Variants in CRISP1 observed in about 807,000 individuals in gnomAD.
CRISP1 encodes cysteine rich secretory protein 1, also known as cysteine-rich secretory protein 1.
CRISP1 carries 44 observed loss-of-function variants against 33.1 expected under a neutral mutation model. That is an observed-to-expected ratio of 1.33 (90% CI 1.05 to 1.71). The LOEUF is 1.71. Among genes scored for constraint, CRISP1 ranks in the 40% most tolerant of loss-of-function variants. CRISP1 has a pLI of 0.00. For synonymous variants in CRISP1, 103 were observed against 98.7 expected, an observed-to-expected ratio of 1.04 and a Z score of -0.26; for missense variants, 390 against 301.2, an observed-to-expected ratio of 1.29 and a Z score of -2.18.
In CRISP1 at chr6:49,841,228, G is replaced by A. The variant is rs114876536; in HGVS notation, c.436-233C>T. On this transcript the variant is annotated intron_variant, in intron 5 of 7. Transcript: ENST00000335847. ...AACCAGGTGGAGAAAATCAGCTGAC[G>A]GGGAGGATGACTTGATGATTGACAT... Among the ~76,000 whole-genome samples the A allele has an allele frequency of 9.3e-3, 1,423 of 152,198 alleles. 24 individuals carry two copies. The highest frequency in any genetic ancestry group is 0.03 in the African/African-American group (1,230 of 41,540).
At chr6:49,871,696 A>C (rs992294420) in intron 1 of CRISP1, among the ~76,000 whole-genome samples, 1 of 151,806 alleles carries the variant, frequency 6.6e-6, no homozygotes, top group Non-Finnish European at 1.5e-5. Flanking sequence ...GATGGTTTCC[A>C]GCTTCATCCA....
At chr6:49,853,009 G>T (rs1310974646) in intron 2 of CRISP1, among the ~76,000 whole-genome samples, 5 of 151,956 alleles carry the variant, frequency 3.3e-5, no homozygotes, top group Admixed American at 3.3e-4. Flanking sequence ...GAATGAATAC[G>T]ATCTAGCATC....
chr6:49,871,767 T>A (rs887838873), intron 1 of CRISP1, among the ~76,000 whole-genome samples: 2 of 152,088 alleles, frequency 1.3e-5, no homozygotes, highest in Non-Finnish European at 2.9e-5. Context: ...CCATGGTGTA[T>A]ATGTGCCACA....
At chr6:49,873,423 A>G (rs1771969440) in intron 1 of CRISP1, among the ~76,000 whole-genome samples, 1 of 152,116 alleles carries the variant, frequency 6.6e-6, no homozygotes, top group Non-Finnish European at 1.5e-5. Flanking sequence ...CTTAGTCTTC[A>G]TAAATTTTTA....
chr6:49,852,199 C>T, intron 2 of CRISP1, 70 bp from the exon 3 acceptor site: 2 of 1,436,844 alleles, frequency 1.4e-6, no homozygotes, highest in Non-Finnish European at 9.5e-7. Flanking sequence ...TTTTGCAGAC[C>T]TATAGGTAAT....
At chr6:49,872,894 G>C (rs1771958018) in intron 1 of CRISP1, among the ~76,000 whole-genome samples, 1 of 151,892 alleles carries the variant, frequency 6.6e-6, no homozygotes, top group Non-Finnish European at 1.5e-5. Flanking sequence ...GCTCTTTTTT[G>C]GTTCCATATG....
chr6:49,871,134 A>AC (rs1351128408), upstream of CRISP1, among the ~76,000 whole-genome samples: 1 of 150,890 alleles, frequency 6.6e-6, no homozygotes, highest in Non-Finnish European at 1.5e-5. Context: ...ACAAACAAAA[A>AC]AAAAACAAAG....
intron 1 of CRISP1, among the ~76,000 whole-genome samples, chr6:49,872,096 C>T (rs564810998): frequency 3.3e-4 from 50 of 152,250 alleles, no homozygotes; most frequent in Non-Finnish European, 6.0e-4. Context: ...ACCATTCTAA[C>T]TGGTGTGAGA....
intron 6 of CRISP1, among the ~76,000 whole-genome samples, chr6:49,839,093 G>T (rs1317605206): frequency 6.6e-6 from 1 of 151,868 alleles, no homozygotes; most frequent in Non-Finnish European, 1.5e-5. Flanking sequence ...GCTGGGGTGT[G>T]GGAAAGAAAG....
At chr6:49,873,583 A>C (rs141394441) in intron 1 of CRISP1, among the ~76,000 whole-genome samples, 121 of 152,252 alleles carry the variant, frequency 7.9e-4, no homozygotes, top group Non-Finnish European at 1.4e-3. Context: ...TTTGATAATT[A>C]AAAATGAAGT....
At chr6:49,862,400 A>G (rs1771677784) in intron 1 of CRISP1, among the ~76,000 whole-genome samples, 1 of 151,966 alleles carries the variant, frequency 6.6e-6, no homozygotes, top group South Asian at 2.1e-4. Flanking sequence ...TATTACTGAT[A>G]TTAGAAAAAT....
At chr6:49,844,408 G>A (rs979708669) in intron 5 of CRISP1, among the ~76,000 whole-genome samples, 1 of 152,144 alleles carries the variant, frequency 6.6e-6, no homozygotes, top group Non-Finnish European at 1.5e-5. Flanking sequence ...AGGGAAGAAT[G>A]ACTCCCCAAA....
chr6:49,852,846 TTGTGTGTG>T (rs3056388), intron 2 of CRISP1, among the ~76,000 whole-genome samples: 13,148 of 145,490 alleles, frequency 0.09, 741 homozygotes, highest in Non-Finnish European at 0.14. Flanking sequence ...AAGAGAATCT[TTGTGTGTG>T]TGTGTGTGTG....
chr6:49,837,917 G>T (rs1770855470), intron 7 of CRISP1, among the ~76,000 whole-genome samples: 1 of 151,250 alleles, frequency 6.6e-6, no homozygotes, highest in African/African-American at 2.4e-5. Flanking sequence ...AAAAAAAGAG[G>T]CTTTAAGGAA....
intron 1 of CRISP1, among the ~76,000 whole-genome samples, chr6:49,874,750 C>A (rs1274118941): frequency 6.6e-6 from 1 of 152,052 alleles, no homozygotes; most frequent in African/African-American, 2.4e-5. Context: ...TTTGGTCCAA[C>A]ATATGCAAAT....
chr6:49,851,352 T>C (rs751422805), intron 3 of CRISP1, among the ~76,000 whole-genome samples: 1 of 152,088 alleles, frequency 6.6e-6, no homozygotes, highest in Non-Finnish European at 1.5e-5. Context: ...ATAACAAATG[T>C]GAGGGTAATC....
Position 49,835,395 on chromosome 6 carries a change from A to C in CRISP1, c.671T>G (p.Val224Gly), listed in dbSNP as rs1358323130. ...TGAGTGGTTGCATCCCAGATAATGGACTTGTATGTCACAGTCGAAGTATTC... is the reference window on the plus strand; with the variant it reads ...TGAGTGGTTGCATCCCAGATAATGGCCTTGTATGTCACAGTCGAAGTATTC... The part of the protein sequence containing the change: ...YDEYFDCDIQ[V>G]HYLGCNHSTT... The change falls in exon 8 of 8, where the codon GTC (valine) becomes GGC (glycine). Residue 224 changes from valine to glycine, a missense_variant. Physicochemically the swap from Val to Gly is moderately radical, Grantham distance 109. Transcript: ENST00000335847. 6.2e-7 allele frequency: 1 copy of C among 1,613,690 alleles called. No homozygotes were observed. Among genetic ancestry groups the C allele is most frequent in the Non-Finnish European group, 8.5e-7 (1 of 1,179,628 alleles).
rs1770716608 is a variant in CRISP1 at position 49,834,518 on chromosome 6, G to A, written c.*798C>T. On this transcript the variant is annotated 3_prime_UTR_variant, in exon 8 of 8. Transcript: ENST00000335847. ...GAAGATGTTCCTCATTCCACCCTAAGGCTTTCCTGAATCTCCAAACAGAAG... is the reference window on the plus strand; with the variant it reads ...GAAGATGTTCCTCATTCCACCCTAAAGCTTTCCTGAATCTCCAAACAGAAG... The A allele has an allele frequency of 6.6e-6, 1 of 152,022 alleles. No individual in the cohort carries two copies. The highest frequency in any genetic ancestry group is 2.1e-4 in the South Asian group (1 of 4,832). 9.4% of individuals were successfully genotyped at this position (152,022 alleles called of 1,614,324 possible).
chr6:49,848,524 C>T (rs943165120), intron 3 of CRISP1, among the ~76,000 whole-genome samples: 1 of 152,106 alleles, frequency 6.6e-6, no homozygotes, highest in Non-Finnish European at 1.5e-5. Context: ...TAATTACATT[C>T]AGAGATAGAT....
Sources: gnomAD v4.1 joint callset for allele counts (sites outside exome capture counted in the v4.1 genomes callset) on GRCh38, gnomAD v4.1.1 for gene constraint, MANE v1.5 for transcripts, NCBI Gene and HGNC (gene_info 2026-07-23, HGNC 2026-07-21) for gene names.